Variants in ZFP64 observed in about 807,000 individuals in gnomAD.
The protein encoded by ZFP64 is ZFP64 zinc finger protein, also known as zinc finger protein 64.
Under a neutral mutation model 51.6 loss-of-function variants are expected in ZFP64, and 14 were observed. The observed-to-expected ratio is 0.27, with a 90% CI of 0.18 to 0.42. ZFP64 has a LOEUF of 0.42. Ranked by LOEUF, ZFP64 falls within the 10% of genes least tolerant of loss-of-function variation. ZFP64 has a pLI of 1.00. For synonymous variants in ZFP64, 375 were observed against 361.4 expected (o/e 1.04, Z -0.43); for missense variants, 754 against 906.8 (o/e 0.83, Z 2.16).
intron 5 of ZFP64, among the ~76,000 whole-genome samples, chr20:52,134,520 C>T (rs1386066917): frequency 2.6e-5 from 4 of 152,332 alleles, no homozygotes; most frequent in East Asian, 3.9e-4. Flanking sequence ...GACAACTTTT[C>T]AGCCTAAAGC....
At chr20:52,087,879 T>A (rs1463731985) in intron 8 of ZFP64, among the ~76,000 whole-genome samples, 1 of 152,220 alleles carries the variant, frequency 6.6e-6, no homozygotes, top group Non-Finnish European at 1.5e-5. Context: ...GCTCACCATT[T>A]TCCAGGAATT....
At chr20:52,120,667 CTTTTTTTTTTTTTTTT>C (rs11469627) in intron 5 of ZFP64, among the ~76,000 whole-genome samples, 2 of 57,436 alleles carry the variant, frequency 3.5e-5, no homozygotes, top group South Asian at 7.0e-4. Flanking sequence ...GATCAGTGAT[CTTTTTTTTTTTTTTTT>C]TTTTTTTTTT....
intron 5 of ZFP64, among the ~76,000 whole-genome samples, chr20:52,111,313 T>A (rs140980517): frequency 6.7e-6 from 1 of 149,114 alleles, no homozygotes; most frequent in South Asian, 2.1e-4. Flanking sequence ...AGCTCCCGGG[T>A]TCAAGTGATT....
chr20:52,119,949 G>A (rs1600725408), intron 5 of ZFP64, among the ~76,000 whole-genome samples: 1 of 152,200 alleles, frequency 6.6e-6, no homozygotes, highest in East Asian at 1.9e-4. Context: ...TTTCCCCTGT[G>A]AATGTTTGTG....
chr20:52,170,014 T>C (rs988782755), intron 2 of ZFP64, among the ~76,000 whole-genome samples: 3 of 150,114 alleles, frequency 2.0e-5, no homozygotes, highest in African/African-American at 7.4e-5. Context: ...GATCATGCCA[T>C]TGCACTCCAG....
chr20:52,117,416 T>A (rs896805453), intron 5 of ZFP64, among the ~76,000 whole-genome samples: 1 of 152,016 alleles, frequency 6.6e-6, no homozygotes, highest in Admixed American at 6.6e-5. Flanking sequence ...GTCAGGACTT[T>A]GCGATCTGCC....
Position 52,110,401 on chromosome 20 carries a change from C to T in ZFP64, c.764-11814G>A, listed in dbSNP as rs367988626. Reference sequence around the variant, plus strand: ...GGAAGGCAGTTAGGATGTTTAAGCTCTTCTGGAGCTCCTCCTTCTTCCCGT... The same window carrying T: ...GGAAGGCAGTTAGGATGTTTAAGCTTTTCTGGAGCTCCTCCTTCTTCCCGT... On this transcript the variant is annotated intron_variant, in intron 5 of 8. Transcript: ENST00000361387. The T allele has an allele frequency of 2.2e-5, 13 of 588,488 alleles. No individual in the cohort carries two copies. In the African/African-American group the frequency reaches 2.4e-4, roughly 11 times the overall value. The allele number at this position is 588,488 out of a possible 1,614,324, so 36.5% of individuals were successfully genotyped here.
At position 52,151,953 on chromosome 20, in the gene ZFP64, C is replaced by T; in HGVS notation, c.*193G>A. ...TCGGAGGGCTGAGGCATGAGAATCG[C>T]TTGAACCTGGGAGGCGGACGTTGCA... On this transcript the variant is annotated 3_prime_UTR_variant, in exon 6 of 6. Transcript: ENST00000216923. 1.6e-6 allele frequency: 2 copies of T among 1,273,556 alleles called. No individual in the cohort carries two copies. The highest frequency in any genetic ancestry group is 2.1e-6 in the Non-Finnish European group (2 of 962,830). The allele number at this position is 1,273,556 out of a possible 1,614,324, so 78.9% of individuals were successfully genotyped here.
intron 5 of ZFP64, among the ~76,000 whole-genome samples, chr20:52,102,379 A>G (rs1275468343): frequency 6.6e-6 from 1 of 152,098 alleles, no homozygotes; most frequent in Non-Finnish European, 1.5e-5. Context: ...ACAAGTTCCC[A>G]GTTGATGCCG....
rs148728734 is a variant in ZFP64, at chr20:52,110,710, A to T, written c.764-12123T>A. The T allele has an allele frequency of 7.6e-6, 12 of 1,581,540 alleles. No homozygotes were observed. In the Admixed American group the frequency reaches 1.4e-4, roughly 18 times the overall value. ...CCCTTGCCCCTTCAGCCAGCGCTGG[A>T]TGGCTCCAACCTTAACTGCCCCAGT... On this transcript the variant is annotated intron_variant, in intron 5 of 8. Transcript: ENST00000361387.
chr20:52,106,563 G>A (rs1439998995), intron 5 of ZFP64, among the ~76,000 whole-genome samples: 1 of 152,110 alleles, frequency 6.6e-6, no homozygotes. Context: ...CGAACCCCAC[G>A]GCGGGGCCTG....
intron 5 of ZFP64, among the ~76,000 whole-genome samples, chr20:52,102,335 G>T (rs185576728): frequency 1.3e-5 from 2 of 152,238 alleles, no homozygotes; most frequent in African/African-American, 4.8e-5. Context: ...TGATTGAGTA[G>T]GTATGGGGTG....
chr20:52,145,378 C>T (rs1010772076), intron 5 of ZFP64, among the ~76,000 whole-genome samples: 8 of 152,148 alleles, frequency 5.3e-5, no homozygotes, highest in Admixed American at 2.0e-4. Context: ...GTAGCCCAGG[C>T]GTGGTGGCTC....
rs76764445 is a variant in ZFP64, at chr20:52,167,534, C to T, written c.287-1509G>A. ...TCCTCCCTCCCTCCCTCTTCCCTTC[C>T]CCTCCCTCCTTCTCCTCTTCCCCTT... On this transcript the variant is annotated intron_variant, in intron 2 of 5. Transcript: ENST00000216923. Among the ~76,000 whole-genome samples the T allele has an allele frequency of 6.8e-4, 97 of 141,978 alleles. 1 individual carries two copies. In the East Asian group the frequency reaches 0.02, roughly 29 times the overall value. The allele number at this position is 141,978 out of a possible 152,430, so 93.1% of individuals were successfully genotyped here. A position where few individuals can be genotyped will look rare whatever the true frequency, so the allele number is the denominator to read the frequency against.
intron 5 of ZFP64, chr20:52,117,706 G>T (rs938165863): frequency 2.2e-6 from 1 of 456,400 alleles, no homozygotes; most frequent in South Asian, 1.6e-5. Flanking sequence ...GCATGGGTGT[G>T]GACCAGCTGG....
chr20:52,097,301 G>C (rs1217304259), intron 7 of ZFP64: 1 of 1,521,448 alleles, frequency 6.6e-7, no homozygotes, highest in East Asian at 2.3e-5. Context: ...GTTCATTACT[G>C]TGTCCCTAGC....
At chr20:52,100,032 C>T (rs956196937) in intron 5 of ZFP64, among the ~76,000 whole-genome samples, 19 of 152,318 alleles carry the variant, frequency 1.2e-4, no homozygotes, top group African/African-American at 3.1e-4. Flanking sequence ...CTCGCTCTGT[C>T]ACCCAGGCTG....
At chr20:52,139,810 T>C (rs1200754098) in intron 5 of ZFP64, among the ~76,000 whole-genome samples, 3 of 151,888 alleles carry the variant, frequency 2.0e-5, no homozygotes, top group Non-Finnish European at 4.4e-5. Flanking sequence ...CCTTGTTTGA[T>C]TGTCCTTAGT....
intron 4 of ZFP64, 55 bp downstream of exon 4, chr20:52,164,640 T>C (rs1982090758): frequency 1.4e-6 from 2 of 1,458,762 alleles, no homozygotes; most frequent in East Asian, 4.5e-5. Context: ...TGGATCCCCA[T>C]CTCCTAGCAC....
Sources: gnomAD v4.1 joint callset for allele counts (sites outside exome capture counted in the v4.1 genomes callset) on GRCh38, gnomAD v4.1.1 for gene constraint, MANE v1.5 for transcripts, NCBI Gene and HGNC (gene_info 2026-07-23, HGNC 2026-07-21) for gene names.